ANKMY1: variants seen among roughly 807,000 people sequenced by gnomAD.
ANKMY1 encodes the protein ankyrin repeat and MYND domain containing 1, also known as ankyrin repeat and MYND domain-containing protein 1.
A neutral mutation model predicts 102.0 loss-of-function variants in ANKMY1; 98 were observed. The ratio of observed to expected loss-of-function variants is 0.96; its 90% CI spans 0.82 to 1.14. ANKMY1 has a LOEUF of 1.14. Ranked by LOEUF, ANKMY1 falls within the 50% of genes most tolerant of loss-of-function variation. The pLI is 0.00. For synonymous variants in ANKMY1, 582 were observed against 559.9 expected (o/e 1.04, Z -0.56); for missense variants, 1,330 against 1,347.6 (o/e 0.99, Z 0.20).
intron 4 of ANKMY1, among the ~76,000 whole-genome samples, chr2:240,547,023 TA>T (rs2090527324): frequency 6.6e-6 from 1 of 152,098 alleles, no homozygotes; most frequent in Non-Finnish European, 1.5e-5. Context: ...AATAGACACC[TA>T]CAGAACTCTC....
chr2:240,535,627 A>G (rs1468912024), intron 4 of ANKMY1, among the ~76,000 whole-genome samples: 1 of 151,898 alleles, frequency 6.6e-6, no homozygotes, highest in Non-Finnish European at 1.5e-5. Flanking sequence ...TTGTCACATA[A>G]TGTTATACCA....
chr2:240,501,252 ATGAG>A (rs1294606486), intron 13 of ANKMY1, among the ~76,000 whole-genome samples: 5 of 152,074 alleles, frequency 3.3e-5, no homozygotes, highest in African/African-American at 4.8e-5. Context: ...GTGTGCATGT[ATGAG>A]TAAGGGCATG....
chr2:240,523,803 G>A, intron 8 of ANKMY1, 82 bp downstream of exon 8: 1 of 1,534,112 alleles, frequency 6.5e-7, no homozygotes, highest in Non-Finnish European at 8.8e-7. Flanking sequence ...CACTGGCACA[G>A]GGAAGAGACG....
intron 4 of ANKMY1, among the ~76,000 whole-genome samples, chr2:240,532,413 T>C (rs538606912): frequency 6.6e-6 from 1 of 152,300 alleles, no homozygotes; most frequent in East Asian, 1.9e-4. Flanking sequence ...ATTCTAAGGG[T>C]ATTCTTCAGG....
chr2:240,521,800 C>G (rs542820317), intron 8 of ANKMY1: 3 of 152,352 alleles, frequency 2.0e-5, no homozygotes, highest in East Asian at 1.9e-4. Flanking sequence ...GCCTGGCCCC[C>G]CTTTACAGCT....
chr2:240,554,845 A>C, intron 3 of ANKMY1, 21 bp downstream of exon 3: 1 of 1,613,456 alleles, frequency 6.2e-7, no homozygotes, highest in Non-Finnish European at 8.5e-7. Context: ...GAGGAGGCGG[A>C]GAAAGTGTGG....
intron 15 of ANKMY1, among the ~76,000 whole-genome samples, chr2:240,492,200 C>T (rs2076735428): frequency 6.6e-6 from 1 of 152,000 alleles, no homozygotes; most frequent in African/African-American, 2.4e-5. Context: ...GCTATGTTGC[C>T]CAGGGTGGTC....
intron 8 of ANKMY1, chr2:240,522,652 C>T (rs2082539754): frequency 1.3e-5 from 2 of 152,234 alleles, no homozygotes; most frequent in African/African-American, 4.8e-5. Context: ...CCACCTCTCA[C>T]TGTCAATGGA....
intron 8 of ANKMY1, among the ~76,000 whole-genome samples, chr2:240,521,209 A>C (rs1421926851): frequency 6.6e-6 from 1 of 152,064 alleles, no homozygotes. Context: ...GATCGAGCCA[A>C]GCCCACTGGC....
chr2:240,533,330 G>A (rs1040592264), intron 4 of ANKMY1, among the ~76,000 whole-genome samples: 3 of 152,070 alleles, frequency 2.0e-5, no homozygotes, highest in African/African-American at 4.8e-5. Flanking sequence ...GATAGCAGAC[G>A]TAAAGCAAGT....
chr2:240,504,410 C>T (rs1397973646), intron 13 of ANKMY1, among the ~76,000 whole-genome samples: 1 of 152,134 alleles, frequency 6.6e-6, no homozygotes, highest in Non-Finnish European at 1.5e-5. Flanking sequence ...GAAGAAGCTT[C>T]ATGACGTTTC....
intron 15 of ANKMY1, among the ~76,000 whole-genome samples, chr2:240,495,297 C>A (rs957390633): frequency 6.6e-6 from 1 of 152,164 alleles, no homozygotes; most frequent in South Asian, 2.1e-4. Flanking sequence ...GACTCTACTC[C>A]ACCACCTCTT....
At chr2:240,542,884 ATTAC>A (rs2089337074) in intron 4 of ANKMY1, among the ~76,000 whole-genome samples, 2 of 150,484 alleles carry the variant, frequency 1.3e-5, no homozygotes, top group Admixed American at 6.6e-5. Flanking sequence ...AAATTATTTA[ATTAC>A]TTAAGTAAAT....
At chr2:240,503,067 C>G (rs2078479101) in intron 13 of ANKMY1, among the ~76,000 whole-genome samples, 1 of 152,202 alleles carries the variant, frequency 6.6e-6, no homozygotes, top group African/African-American at 2.4e-5. Flanking sequence ...CAGCCCTGCC[C>G]AGGGGCTCTG....
chr2:240,485,174 A>T (rs2075899024), intron 15 of ANKMY1, among the ~76,000 whole-genome samples: 1 of 152,028 alleles, frequency 6.6e-6, no homozygotes, highest in Admixed American at 6.6e-5. Flanking sequence ...TAAAAACACA[A>T]AAAATTAGCC....
intron 4 of ANKMY1, chr2:240,532,249 GA>G (rs2085586275): frequency 2.9e-6 from 1 of 346,810 alleles, no homozygotes; most frequent in Non-Finnish European, 6.0e-6. Flanking sequence ...TGGAAGCCAG[GA>G]AACAATGGAG....
In ANKMY1 at chr2:240,520,382, C is replaced by A. The variant is rs773568192; in HGVS notation, c.1984G>T (p.Asp662Tyr). The A allele has an allele frequency of 1.9e-6, 3 of 1,569,152 alleles. No individual in the cohort carries two copies. Among genetic ancestry groups the A allele is most frequent in the Non-Finnish European group, 2.6e-6 (3 of 1,156,908 alleles). ...RLLLEHGART[D>Y]ICFPPQLSTL... ...CCTACCTGCGGCGGAAAGCAGATGT[C>A]GGTCCTCGCCCCGTGCTCCAGCAGC... Residue 662 changes from aspartate to tyrosine, a missense_variant, in exon 9 of 18, where the codon GAC becomes TAC. By Grantham distance (160) the Asp-to-Tyr change is radical (BLOSUM62 -3). Coordinates refer to ENST00000401804, the MANE Select transcript of ANKMY1 (RefSeq NM_001282771.3). The surrounding 1 kb of genome is among the most constrained non-coding windows in gnomAD (Gnocchi z 4.8).
chr2:240,482,491 G>A (rs1351506351), intron 15 of ANKMY1, among the ~76,000 whole-genome samples: 1 of 152,254 alleles, frequency 6.6e-6, no homozygotes, highest in Non-Finnish European at 1.5e-5. Flanking sequence ...TCACTCTTCA[G>A]TCTGCTGCTT....
intron 4 of ANKMY1, among the ~76,000 whole-genome samples, chr2:240,538,768 T>C (rs2087698129): frequency 2.0e-5 from 3 of 152,148 alleles, no homozygotes; most frequent in South Asian, 4.1e-4. Flanking sequence ...CTTTTGTGTC[T>C]AGCTAAAGGA....
Sources: allele counts gnomAD v4.1 joint callset (sites outside exome capture counted in the v4.1 genomes callset), GRCh38; gene constraint gnomAD v4.1.1; non-coding constraint Gnocchi (gnomAD v3.1); transcripts MANE v1.5; gene names NCBI Gene and HGNC (gene_info 2026-07-23, HGNC 2026-07-21).